The following OCRL variants were observed in gnomAD, a reference collection of about 807,000 sequenced individuals.
The protein encoded by OCRL is OCRL inositol polyphosphate-5-phosphatase.
OCRL carries 8 observed loss-of-function variants against 78.9 expected under a neutral mutation model. That is an observed-to-expected ratio of 0.10 (90% confidence interval 0.06 to 0.18). OCRL has a LOEUF of 0.18. Ranked by LOEUF, OCRL falls within the 10% of genes least tolerant of loss-of-function variation. The pLI is 1.00. For missense variants in OCRL, 454 were observed against 696.7 expected, an observed-to-expected ratio of 0.65 and a Z score of 3.92; for synonymous variants, 240 against 235.4, an observed-to-expected ratio of 1.02 and a Z score of -0.18.
intron 2 of OCRL, among the ~76,000 whole-genome samples, chrX:129,544,552 C>A (rs1332272080): frequency 8.9e-6 from 1 of 111,949 alleles, no homozygotes; most frequent in Non-Finnish European, 1.9e-5. Flanking sequence ...TGATTCCACA[C>A]ACACGAGCAA....
chrX:129,563,162 C>T (rs895473733), intron 12 of OCRL, among the ~76,000 whole-genome samples: 19 of 111,870 alleles, frequency 1.7e-4, no homozygotes, highest in African/African-American at 5.8e-4. Flanking sequence ...CCAAAGGAAA[C>T]CATTCTTAAC....
At chrX:129,558,602 C>T in intron 6 of OCRL, 31 bp from the exon 7 acceptor site, 1 of 1,209,102 alleles carries the variant, frequency 8.3e-7, no homozygotes, top group Non-Finnish European at 1.1e-6. Flanking sequence ...AGATTTTTTC[C>T]CCGTTTGACT....
At chrX:129,577,299 C>A (rs1231563051) in intron 18 of OCRL, among the ~76,000 whole-genome samples, 1 of 111,640 alleles carries the variant, frequency 9.0e-6, no homozygotes, top group Non-Finnish European at 1.9e-5. Flanking sequence ...GATTTTCCCA[C>A]CTCTCCCTCA....
chrX:129,579,060 A>C (rs1414116052), intron 18 of OCRL, among the ~76,000 whole-genome samples: 1 of 111,477 alleles, frequency 9.0e-6, no homozygotes, highest in Non-Finnish European at 1.9e-5. Flanking sequence ...AAATATATGC[A>C]TTATATACTT....
chrX:129,567,348 A>C lies in OCRL; in HGVS notation c.1451A>C (p.Asp484Ala), dbSNP rs1259624534. ...ACTTATAAGTATGACTCTAAAACAG[A>C]CCGGTGGGATTCCAGGTAAAGTAAT... is the stretch of plus-strand genomic sequence containing the variant. ...IPTYKYDSKT[D>A]RWDSSGKCRV... The change falls in exon 14 of 24, where the codon GAC (aspartate) becomes GCC (alanine). Residue 484 changes from aspartate to alanine, a missense_variant. Around this residue, in one of 2 missense-constraint regions of OCRL, gnomAD observed 277 missense variants for 517.1 expected, o/e 0.54. Coordinates refer to ENST00000371113, the MANE Select transcript of OCRL (RefSeq NM_000276.4). The C allele has an allele frequency of 8.5e-7, 1 of 1,171,888 alleles. No individual in the cohort carries two copies. Among genetic ancestry groups the C allele is most frequent in the Non-Finnish European group, 1.2e-6 (1 of 859,219 alleles).
Position 129,567,173 on chromosome X carries a change from G to T in OCRL, c.1357-81G>T, listed in dbSNP as rs1005132897. On this transcript the variant is annotated intron_variant, in intron 13 of 23. Coordinates refer to ENST00000371113, the MANE Select transcript of OCRL (RefSeq NM_000276.4). ...TGTGGAACTAGATACTTTGAAATAGGAACAGTGGCTTATCAACCTGATTAT... is the reference window on the plus strand; with the variant it reads ...TGTGGAACTAGATACTTTGAAATAGTAACAGTGGCTTATCAACCTGATTAT... 9.1e-6 allele frequency: 6 copies of T among 655,937 alleles called. No individual in the cohort carries two copies. In the African/African-American group the frequency reaches 1.3e-4, roughly 14 times the overall value. 54.1% of individuals were successfully genotyped at this position (655,937 alleles called of 1,213,427 possible). A position where few individuals can be genotyped will look rare whatever the true frequency, so the allele number is the denominator to read the frequency against.
chrX:129,554,948 A>AAAAT (rs765929333), intron 4 of OCRL, among the ~76,000 whole-genome samples: 15,194 of 84,539 alleles, frequency 0.18, 1,606 homozygotes, highest in Non-Finnish European at 0.24. Context: ...ACTCCTTCTC[A>AAAAT]AAATAAATAA....
intron 18 of OCRL, among the ~76,000 whole-genome samples, chrX:129,583,547 G>C (rs1352455170): frequency 8.9e-6 from 1 of 111,839 alleles, no homozygotes; most frequent in Non-Finnish European, 1.9e-5. Context: ...CATGTGTACA[G>C]ATTAAATGAC....
intron 18 of OCRL, among the ~76,000 whole-genome samples, chrX:129,581,190 C>T (rs1936435071): frequency 8.9e-6 from 1 of 112,511 alleles, no homozygotes; most frequent in Non-Finnish European, 1.9e-5. Flanking sequence ...AAATTTGCAT[C>T]TTCCACCTCT....
chrX:129,545,400 C>T (rs1935865709), intron 3 of OCRL, among the ~76,000 whole-genome samples: 1 of 112,404 alleles, frequency 8.9e-6, no homozygotes, highest in Non-Finnish European at 1.9e-5. Context: ...CTTGGATTCA[C>T]ACACATTCAG....
intron 4 of OCRL, 94 bp downstream of exon 4, chrX:129,548,695 A>G: frequency 1.3e-6 from 1 of 763,369 alleles, no homozygotes; most frequent in Non-Finnish European, 2.0e-6. Flanking sequence ...CACATTTTTT[A>G]TTTTACCATC....
At chrX:129,573,899 T>C (rs1401659656) in intron 15 of OCRL, among the ~76,000 whole-genome samples, 1 of 112,284 alleles carries the variant, frequency 8.9e-6, no homozygotes, top group Non-Finnish European at 1.9e-5. Context: ...TATTCCATGG[T>C]GTATATTTAC....
chrX:129,540,663 G>GC, intron 1 of OCRL, 81 bp from the exon 2 acceptor site: 3 of 825,264 alleles, frequency 3.6e-6, no homozygotes, highest in Non-Finnish European at 5.4e-6. Flanking sequence ...GTGGGGGGGG[G>GC]GTGGAAGACC....
rs1569463889 is a variant in OCRL, at chrX:129,589,829, C to G, written c.2470-16C>G. The G allele has an allele frequency of 1.8e-6, 2 of 1,137,162 alleles. No homozygotes were observed. Among genetic ancestry groups the G allele is most frequent in the Non-Finnish European group, 2.4e-6 (2 of 827,612 alleles). The allele number at this position is 1,137,162 out of a possible 1,213,427, so 93.7% of individuals were successfully genotyped here. ...CACCTGTTTTTCTCACTGCCTGCCC[C>G]TATTTTTAAAAACAGGTGATCTCCC... On this transcript the variant is annotated splice_polypyrimidine_tract_variant and intron_variant, in intron 22 of 23. Transcript: ENST00000371113.
At chrX:129,551,521 G>A (rs112884318) in intron 4 of OCRL, among the ~76,000 whole-genome samples, 6,626 of 111,429 alleles carry the variant, frequency 0.059, 491 homozygotes, top group African/African-American at 0.2. Context: ...TGCAAGCTCC[G>A]CCTTCCAGGT....
intron 5 of OCRL, 120 bp from the exon 6 acceptor site, chrX:129,557,741 T>C: frequency 1.7e-6 from 1 of 589,802 alleles, no homozygotes; most frequent in South Asian, 2.2e-5. Context: ...TCTTCCACTG[T>C]ATCCAAAAAT....
chrX:129,578,158 T>G (rs1233454595), intron 18 of OCRL, among the ~76,000 whole-genome samples: 2 of 111,752 alleles, frequency 1.8e-5, no homozygotes, highest in Non-Finnish European at 3.8e-5. Context: ...AGGGCACACT[T>G]AAGCACAATA....
At chrX:129,565,105 T>A (rs1002089400) in intron 12 of OCRL, among the ~76,000 whole-genome samples, 1 of 112,101 alleles carries the variant, frequency 8.9e-6, no homozygotes, top group African/African-American at 3.2e-5. Flanking sequence ...ATTGTCAGAA[T>A]GACCCATTGG....
chrX:129,567,168 A>C, intron 13 of OCRL, 86 bp from the exon 14 acceptor site: 1 of 638,134 alleles, frequency 1.6e-6, no homozygotes, highest in East Asian at 3.3e-5. Context: ...GATACTTTGA[A>C]ATAGGAACAG....
Sources: allele counts gnomAD v4.1 joint callset (sites outside exome capture counted in the v4.1 genomes callset), GRCh38; gene constraint gnomAD v4.1.1; regional missense constraint gnomAD v4.1.1; transcripts MANE v1.5; gene names NCBI Gene and HGNC (gene_info 2026-07-23, HGNC 2026-07-21).